The following RBFOX1 variants were observed in gnomAD, a reference collection of about 807,000 sequenced individuals.
The protein encoded by RBFOX1 is RNA binding fox-1 homolog 1, also known as RNA binding protein fox-1 homolog 1.
A neutral mutation model predicts 57.7 loss-of-function variants in RBFOX1; 8 were observed. The observed-to-expected ratio is 0.14, with a 90% confidence interval of 0.08 to 0.25. The LOEUF (loss-of-function observed/expected upper bound fraction) is 0.25. RBFOX1 is among the 10% of genes least tolerant of loss of function. RBFOX1 has a pLI of 1.00. For synonymous variants in RBFOX1, 326 were observed against 222.4 expected (o/e 1.47, Z -4.15); for missense variants, 611 against 548.5 (o/e 1.11, Z -1.14).
chr16:5,816,231 G>C (rs1440250504), intron 3 of RBFOX1, among the ~76,000 whole-genome samples: 3 of 152,140 alleles, frequency 2.0e-5, no homozygotes, highest in African/African-American at 7.2e-5. Flanking sequence ...TTCAGAAGCA[G>C]GCGGAATACC....
chr16:5,946,504 G>C lies in RBFOX1; in HGVS notation c.351+79169G>C, dbSNP rs967875027. ...GGAGTGCCTCATGGTGGGGTGCCTG[G>C]AGAGGACATGGAAGTTCTACGCCCT... On this transcript the variant is annotated intron_variant, in intron 4 of 19. Coordinates refer to the RBFOX1 transcript ENST00000641259. This position sits in a 1 kb window ranked among gnomAD's most constrained non-coding sequence, Gnocchi z 4.6. Among the ~76,000 whole-genome samples, 1 of 152,186 alleles carries C rather than the reference G, an allele frequency of 6.6e-6. No individual in the cohort carries two copies. Among genetic ancestry groups the C allele is most frequent in the Non-Finnish European group, 1.5e-5 (1 of 68,032 alleles).
At chr16:6,592,673 T>A (rs1375622643) in intron 2 of RBFOX1, among the ~76,000 whole-genome samples, 1 of 152,162 alleles carries the variant, frequency 6.6e-6, no homozygotes, top group Non-Finnish European at 1.5e-5. Flanking sequence ...CTGTTTAGTT[T>A]TGAAGCTCAT....
chr16:7,503,433 A>C (rs761579519), intron 4 of RBFOX1, among the ~76,000 whole-genome samples: 1 of 152,210 alleles, frequency 6.6e-6, no homozygotes, highest in African/African-American at 2.4e-5. Context: ...TCACACAGCG[A>C]TATTATCTCA....
At chr16:5,393,536 G>C (rs514153) in intron 1 of RBFOX1, among the ~76,000 whole-genome samples, 118,609 of 152,072 alleles carry the variant, frequency 0.78, 46,780 homozygotes, top group East Asian at 0.95. Context: ...TGATGAATGG[G>C]TCTTTCTGAG....
chr16:7,208,878 C>T lies in RBFOX1; in HGVS notation c.27+156780C>T, dbSNP rs1158739486. 7.2e-5 allele frequency among the ~76,000 whole-genome samples: 11 copies of T among 152,052 alleles called. No homozygotes were observed. In the South Asian group the frequency reaches 1.0e-3, roughly 14 times the overall value. On this transcript the variant is annotated intron_variant, in intron 4 of 15. Transcript: ENST00000550418. ...AACAGACAAAAAGCCCACCAGTTCT[C>T]CTAAGGACTAAGAGAGCAAGAATTC...
chr16:6,157,317 G>T (rs576424941), intron 1 of RBFOX1, among the ~76,000 whole-genome samples: 1 of 152,108 alleles, frequency 6.6e-6, no homozygotes, highest in Non-Finnish European at 1.5e-5. Context: ...TACTTCTCTG[G>T]GCAAATGGTT....
intron 3 of RBFOX1, among the ~76,000 whole-genome samples, chr16:6,997,171 G>C (rs1218679472): frequency 6.6e-6 from 1 of 152,048 alleles, no homozygotes; most frequent in African/African-American, 2.4e-5. Context: ...ATTAAATAGA[G>C]AATTATCTTA....
chr16:5,642,047 G>T (rs1282685610), intron 3 of RBFOX1, among the ~76,000 whole-genome samples: 1 of 152,210 alleles, frequency 6.6e-6, no homozygotes, highest in African/African-American at 2.4e-5. Context: ...ACTTTGAGGA[G>T]CAAGACTGGG....
At chr16:6,133,224 T>C (rs2096642397) in intron 1 of RBFOX1, among the ~76,000 whole-genome samples, 1 of 152,156 alleles carries the variant, frequency 6.6e-6, no homozygotes, top group African/African-American at 2.4e-5. Flanking sequence ...GCATCTCCTG[T>C]GCTGACAAAA....
intron 4 of RBFOX1, among the ~76,000 whole-genome samples, chr16:7,348,395 G>A (rs2145782174): frequency 6.7e-6 from 1 of 149,844 alleles, no homozygotes; most frequent in Middle Eastern, 3.4e-3. Flanking sequence ...TAAAATTAAT[G>A]AATTTTTTTT....
At chr16:5,287,065 G>T (rs1414105402) in intron 1 of RBFOX1, among the ~76,000 whole-genome samples, 1 of 152,226 alleles carries the variant, frequency 6.6e-6, no homozygotes, top group African/African-American at 2.4e-5. Flanking sequence ...AGCACTTTGG[G>T]AGGATGAGGC....
chr16:7,114,758 C>G (rs910400068), intron 4 of RBFOX1, among the ~76,000 whole-genome samples: 2 of 152,176 alleles, frequency 1.3e-5, no homozygotes, highest in African/African-American at 4.8e-5. Context: ...ACTTTGCTTT[C>G]TGTTTACATG....
chr16:5,449,808 A>G (rs911323373), intron 1 of RBFOX1, among the ~76,000 whole-genome samples: 2 of 151,972 alleles, frequency 1.3e-5, no homozygotes, highest in African/African-American at 2.4e-5. Flanking sequence ...GAGTCTCACT[A>G]TGTTGCCCAG....
chr16:6,717,896 T>A (rs1290654537), intron 3 of RBFOX1, among the ~76,000 whole-genome samples: 1 of 152,174 alleles, frequency 6.6e-6, no homozygotes, highest in Admixed American at 6.5e-5. Flanking sequence ...CTACACTGGT[T>A]CCAAGGATCC....
chr16:6,696,155 A>G (rs1429346365), intron 3 of RBFOX1, among the ~76,000 whole-genome samples: 1 of 152,210 alleles, frequency 6.6e-6, no homozygotes, highest in African/African-American at 2.4e-5. Flanking sequence ...TTTTTGTAGA[A>G]TGAGGAATTA....
chr16:7,225,854 G>A (rs897166307), intron 4 of RBFOX1, among the ~76,000 whole-genome samples: 32 of 146,308 alleles, frequency 2.2e-4, no homozygotes, highest in African/African-American at 8.1e-4. Context: ...GTATACATAT[G>A]TAACAAACCT....
intron 4 of RBFOX1, among the ~76,000 whole-genome samples, chr16:7,280,210 C>T (rs562912652): frequency 1.2e-4 from 18 of 152,306 alleles, no homozygotes; most frequent in African/African-American, 3.6e-4. Flanking sequence ...TTTTCCTCAT[C>T]CATTCAGCCT....
At chr16:7,263,487 C>T (rs542812474) in intron 4 of RBFOX1, among the ~76,000 whole-genome samples, 3 of 152,248 alleles carry the variant, frequency 2.0e-5, no homozygotes, top group South Asian at 2.1e-4. Flanking sequence ...ACCAGTGTCT[C>T]TGGATTTGGA....
chr16:6,718,981 G>C (rs966722486), intron 3 of RBFOX1, among the ~76,000 whole-genome samples: 23 of 151,966 alleles, frequency 1.5e-4, no homozygotes, highest in African/African-American at 5.6e-4. Context: ...TCCCACCTCA[G>C]CTTCCCAAGT....
Sources: gnomAD v4.1 joint callset for allele counts (sites outside exome capture counted in the v4.1 genomes callset) on GRCh38, gnomAD v4.1.1 for gene constraint, Gnocchi (gnomAD v3.1) non-coding constraint, MANE v1.5 for transcripts, NCBI Gene and HGNC (gene_info 2026-07-23, HGNC 2026-07-21) for gene names.